Variants in FOXN2 observed in about 807,000 individuals in gnomAD.
The protein encoded by FOXN2 is forkhead box N2, also known as forkhead box protein N2.
In FOXN2, 19 loss-of-function variants were observed where a neutral mutation model predicts 41.2. The ratio of observed to expected loss-of-function variants is 0.46; its 90% confidence interval spans 0.32 to 0.68. FOXN2 has a LOEUF of 0.68. FOXN2 is among the 30% of genes least tolerant of loss of function. The probability of loss-of-function intolerance (pLI) is 0.03; values close to 1 mark genes in which losing one functional copy is unlikely to be tolerated. For missense variants in FOXN2, 587 were observed against 509.4 expected, an observed-to-expected ratio of 1.15 and a Z score of -1.47; for synonymous variants, 195 against 176.8, an observed-to-expected ratio of 1.10 and a Z score of -0.82.
In FOXN2 at chr2:48,346,762, A is replaced by G; in HGVS notation, c.537+11A>G. ...AGAAGCCATGGCAAGGTCAGTGTTT[A>G]TGAACATTGCTATATTTGGTGAGGT... On this transcript the variant is annotated intron_variant, in intron 3 of 6. Coordinates refer to ENST00000340553, the MANE Select transcript of FOXN2 (RefSeq NM_002158.4). 6.4e-7 allele frequency: 1 copy of G among 1,554,656 alleles called. No homozygotes were observed. The highest frequency in any genetic ancestry group is 8.6e-7 in the Non-Finnish European group (1 of 1,157,222).
chr2:48,370,717 G>C (rs911823427), intron 5 of FOXN2, among the ~76,000 whole-genome samples: 1 of 152,148 alleles, frequency 6.6e-6, no homozygotes, highest in Non-Finnish European at 1.5e-5. Context: ...TCCCCTGTCA[G>C]ATGAGTAGTT....
At chr2:48,320,672 G>T (rs889460458) in intron 1 of FOXN2, among the ~76,000 whole-genome samples, 1 of 152,010 alleles carries the variant, frequency 6.6e-6, no homozygotes, top group African/African-American at 2.4e-5. Context: ...GTAATACTGG[G>T]TATTTACCCA....
rs1671112742 is a variant in FOXN2, at chr2:48,346,527, G to GA, written c.321dup (p.Ser108IlefsTer11). On this transcript the variant is annotated frameshift_variant, in exon 3 of 7. Transcript: ENST00000340553. LOFTEE classifies it high-confidence loss of function. ...TGGACCAGCTTGCTACCAGAACCCA[G>GA]AAAAAAAATCAGCGACTTCAAAGCC... The GA allele has an allele frequency of 1.2e-6, 2 of 1,610,778 alleles. No homozygotes were observed. Among genetic ancestry groups the GA allele is most frequent in the South Asian group, 1.1e-5 (1 of 90,810 alleles).
intron 6 of FOXN2, among the ~76,000 whole-genome samples, chr2:48,374,021 C>T (rs1187774981): frequency 6.6e-6 from 1 of 151,050 alleles, no homozygotes; most frequent in East Asian, 1.9e-4. Context: ...CTGCAGTGAG[C>T]TGGAGAGCAC....
intron 2 of FOXN2, among the ~76,000 whole-genome samples, chr2:48,335,855 A>G (rs1446640731): frequency 6.6e-6 from 1 of 150,910 alleles, no homozygotes; most frequent in Non-Finnish European, 1.5e-5. Context: ...GCGAAACCCC[A>G]TCTCTACTAA....
At chr2:48,362,303 C>T (rs933893772) in intron 4 of FOXN2, among the ~76,000 whole-genome samples, 1 of 152,308 alleles carries the variant, frequency 6.6e-6, no homozygotes, top group East Asian at 1.9e-4. Context: ...AAGTGGCTCA[C>T]GCCTGTAATT....
At chr2:48,344,267 A>G (rs1375543183) in intron 2 of FOXN2, among the ~76,000 whole-genome samples, 1 of 152,178 alleles carries the variant, frequency 6.6e-6, no homozygotes, top group Non-Finnish European at 1.5e-5. Flanking sequence ...CAAATCCGTT[A>G]TCGTTTGATC....
Position 48,378,688 on chromosome 2 carries a change from ATT to A in FOXN2, c.*3259_*3260del, listed in dbSNP as rs535294267. 2.0e-4 allele frequency: 28 copies of A among 138,408 alleles called. No homozygotes were observed. The highest frequency in any genetic ancestry group is 2.9e-4 in the Admixed American group (4 of 13,800). The allele number at this position is 138,408 out of a possible 1,614,324, so 8.6% of individuals were successfully genotyped here. A position where few individuals can be genotyped will look rare whatever the true frequency, so the allele number is the denominator to read the frequency against. On this transcript the variant is annotated 3_prime_UTR_variant, in exon 7 of 7. Transcript: ENST00000340553. ...ATATATCTTACAGGTGTTTTTTTGT[ATT>A]TTTTTTTTTTTTTAGTTTGAAATGT...
At chr2:48,365,665 A>G (rs1672484491) in intron 5 of FOXN2, among the ~76,000 whole-genome samples, 1 of 152,190 alleles carries the variant, frequency 6.6e-6, no homozygotes, top group Non-Finnish European at 1.5e-5. Flanking sequence ...GTCTAGTGCT[A>G]CCAGCACCTT....
intron 5 of FOXN2, among the ~76,000 whole-genome samples, chr2:48,371,225 C>G (rs1202520041): frequency 6.6e-6 from 1 of 152,178 alleles, no homozygotes; most frequent in African/African-American, 2.4e-5. Context: ...TGGTGAAATT[C>G]CATCTCTACT....
intron 5 of FOXN2, among the ~76,000 whole-genome samples, chr2:48,369,262 G>T (rs1158677185): frequency 6.6e-6 from 1 of 152,226 alleles, no homozygotes; most frequent in Admixed American, 6.5e-5. Context: ...AGTTAGGCCA[G>T]GCGGGGGTCT....
chr2:48,314,678 C>G (rs900133924), upstream of FOXN2: 4 of 152,990 alleles, frequency 2.6e-5, no homozygotes, highest in Non-Finnish European at 5.8e-5. Flanking sequence ...CTGCCGGGGC[C>G]GCCACTGCAG....
chr2:48,319,205 G>A (rs1332342252), intron 1 of FOXN2, among the ~76,000 whole-genome samples: 3 of 151,048 alleles, frequency 2.0e-5, no homozygotes, highest in Non-Finnish European at 2.9e-5. Context: ...GAAAATACAT[G>A]GGGAAAATAA....
intron 2 of FOXN2, among the ~76,000 whole-genome samples, chr2:48,342,594 ATTTG>A (rs1276832255): frequency 6.6e-6 from 1 of 151,882 alleles, no homozygotes; most frequent in Non-Finnish European, 1.5e-5. Context: ...TAATTTATGT[ATTTG>A]TTTGCTATTT....
intron 3 of FOXN2, among the ~76,000 whole-genome samples, chr2:48,353,045 G>T (rs542554725): frequency 3.4e-4 from 52 of 152,148 alleles, no homozygotes; most frequent in African/African-American, 1.1e-3. Flanking sequence ...TTGGATTCAG[G>T]TATGTTCCTA....
chr2:48,334,622 T>C (rs1221898021), intron 2 of FOXN2, among the ~76,000 whole-genome samples: 1 of 152,180 alleles, frequency 6.6e-6, no homozygotes, highest in East Asian at 1.9e-4. Flanking sequence ...GGGAGAGTAC[T>C]TAGGCCAGGC....
intron 1 of FOXN2, among the ~76,000 whole-genome samples, chr2:48,320,229 G>A (rs1020582336): frequency 6.6e-6 from 1 of 151,866 alleles, no homozygotes; most frequent in Non-Finnish European, 1.5e-5. Flanking sequence ...AGCAACAACT[G>A]CAGTCTTTAT....
intron 2 of FOXN2, among the ~76,000 whole-genome samples, chr2:48,341,346 C>G (rs1670754789): frequency 6.6e-6 from 1 of 151,996 alleles, no homozygotes; most frequent in Non-Finnish European, 1.5e-5. Flanking sequence ...GTGAAATATA[C>G]AGATCTTTTT....
chr2:48,375,083 G>T lies in FOXN2; in HGVS notation c.936G>T (p.Gln312His), dbSNP rs763117102. The T allele has an allele frequency of 3.7e-6, 6 of 1,614,108 alleles. No homozygotes were observed. Residue 312 changes from glutamine (Q) to histidine (H), a missense_variant, in exon 7 of 7, where the codon CAG becomes CAT. Transcript: ENST00000340553. The stretch of plus-strand genomic sequence containing the variant: ...ACAGTGCAAGTAGCATGGCAGCACA[G>T]CGTTGTGCATCCAGGTCTAGCGTGT... ...HNYSASSMAAQRCASRSSVSS... is the reference protein window; with the variant it reads ...HNYSASSMAAHRCASRSSVSS...
Sources: allele counts gnomAD v4.1 joint callset (sites outside exome capture counted in the v4.1 genomes callset), GRCh38; gene constraint gnomAD v4.1.1; transcripts MANE v1.5; gene names NCBI Gene and HGNC (gene_info 2026-07-23, HGNC 2026-07-21).